RBMS3: variants seen among roughly 807,000 people sequenced by gnomAD.
The protein encoded by RBMS3 is RNA binding motif single stranded interacting protein 3.
A neutral mutation model predicts 66.8 loss-of-function variants in RBMS3; 27 were observed. That is an observed-to-expected ratio of 0.40 (90% CI 0.30 to 0.56). The LOEUF (loss-of-function observed/expected upper bound fraction) is 0.56, where lower values mean the gene tolerates loss of function less well. RBMS3 is among the 20% of genes least tolerant of loss of function. The pLI is 0.40. For missense variants in RBMS3, 513 were observed against 549.5 expected (o/e 0.93, Z 0.66); for synonymous variants, 188 against 183.0 (o/e 1.03, Z -0.22).
At chr3:29,904,187 A>G (rs2060321244) in intron 10 of RBMS3, among the ~76,000 whole-genome samples, 1 of 151,988 alleles carries the variant, frequency 6.6e-6, no homozygotes, top group East Asian at 1.9e-4. Flanking sequence ...CTTTAGTAAA[A>G]TAACTTTAAA....
At chr3:29,662,054 T>C (rs553669777) in intron 4 of RBMS3, among the ~76,000 whole-genome samples, 1 of 152,326 alleles carries the variant, frequency 6.6e-6, no homozygotes, top group Non-Finnish European at 1.5e-5. Flanking sequence ...AGCTGAATGA[T>C]CTATGCACAT....
intron 4 of RBMS3, among the ~76,000 whole-genome samples, chr3:29,681,410 G>A (rs1286498706): frequency 6.6e-6 from 1 of 152,036 alleles, no homozygotes; most frequent in Non-Finnish European, 1.5e-5. Context: ...GTAGGTAAAT[G>A]TGTGCTCTGG....
intron 4 of RBMS3, among the ~76,000 whole-genome samples, chr3:29,673,837 G>A (rs1210078123): frequency 6.6e-6 from 1 of 152,128 alleles, no homozygotes; most frequent in Non-Finnish European, 1.5e-5. Context: ...AAGAGGAGCT[G>A]GTACCATTCG....
intron 1 of RBMS3, among the ~76,000 whole-genome samples, chr3:29,304,229 T>C (rs2033865352): frequency 6.6e-6 from 1 of 152,000 alleles, no homozygotes; most frequent in South Asian, 2.1e-4. Context: ...GTTTCAGTCT[T>C]TTTCTCTAGG....
At chr3:29,793,038 G>A (rs1024498044) in intron 6 of RBMS3, among the ~76,000 whole-genome samples, 2 of 152,070 alleles carry the variant, frequency 1.3e-5, no homozygotes, top group African/African-American at 4.8e-5. Context: ...AGGAGTTCAA[G>A]AGCAGTCTGG....
At chr3:29,983,719 A>T (rs545903621) in intron 12 of RBMS3, among the ~76,000 whole-genome samples, 44 of 150,474 alleles carry the variant, frequency 2.9e-4, no homozygotes, top group Non-Finnish European at 5.2e-4. Context: ...AAATTCTTTT[A>T]AGAACGTTGA....
At chr3:29,364,193 G>A (rs1050036593) in intron 1 of RBMS3, among the ~76,000 whole-genome samples, 3 of 152,094 alleles carry the variant, frequency 2.0e-5, no homozygotes, top group South Asian at 4.2e-4. Flanking sequence ...ATCATTAATC[G>A]AAAACAATTC....
intron 3 of RBMS3, among the ~76,000 whole-genome samples, chr3:29,506,668 C>A (rs2044193133): frequency 6.6e-6 from 1 of 151,876 alleles, no homozygotes; most frequent in Non-Finnish European, 1.5e-5. Flanking sequence ...ATCGGTTCTT[C>A]TTTAAATGTT....
intron 4 of RBMS3, among the ~76,000 whole-genome samples, chr3:29,618,804 C>A (rs1213778805): frequency 2.0e-5 from 3 of 152,128 alleles, no homozygotes; most frequent in African/African-American, 7.2e-5. Context: ...TACCGTGCAG[C>A]CCATAGCAAC....
intron 1 of RBMS3, among the ~76,000 whole-genome samples, chr3:29,372,295 C>T (rs745869145): frequency 2.6e-5 from 4 of 152,004 alleles, no homozygotes; most frequent in Non-Finnish European, 5.9e-5. Flanking sequence ...CGCCACTGCA[C>T]TCCAGCCTGG....
At chr3:29,915,856 T>G (rs969621083) in intron 10 of RBMS3, among the ~76,000 whole-genome samples, 2 of 151,994 alleles carry the variant, frequency 1.3e-5, no homozygotes, top group African/African-American at 2.4e-5. Context: ...TAATTCTGCA[T>G]CTGGAAAAAA....
intron 1 of RBMS3, among the ~76,000 whole-genome samples, chr3:29,314,707 G>A (rs1292595466): frequency 1.3e-5 from 2 of 151,738 alleles, no homozygotes; most frequent in African/African-American, 4.8e-5. Flanking sequence ...GAGCTGGTTT[G>A]TTAAGTGGCC....
intron 3 of RBMS3, among the ~76,000 whole-genome samples, chr3:29,562,056 C>G (rs1317905777): frequency 6.6e-6 from 1 of 151,906 alleles, no homozygotes; most frequent in Non-Finnish European, 1.5e-5. Context: ...AGTTAGTGTT[C>G]TTTTTAAACA....
intron 4 of RBMS3, among the ~76,000 whole-genome samples, chr3:29,622,877 G>A (rs2048915109): frequency 1.3e-5 from 2 of 152,188 alleles, no homozygotes; most frequent in Non-Finnish European, 2.9e-5. Flanking sequence ...CCAGTTTTGG[G>A]AGGCCAAGGC....
At chr3:29,642,406 AG>A (rs201363728) in intron 4 of RBMS3, among the ~76,000 whole-genome samples, 2,406 of 152,240 alleles carry the variant, frequency 0.016, 50 homozygotes, top group African/African-American at 0.056. Flanking sequence ...TTCCTTAAAA[AG>A]GAAACTTTGT....
intron 3 of RBMS3, among the ~76,000 whole-genome samples, chr3:29,491,028 A>G (rs1342995881): frequency 6.6e-6 from 1 of 152,202 alleles, no homozygotes; most frequent in African/African-American, 2.4e-5. Context: ...AAGCATGCTG[A>G]TATCTGTTGT....
rs755520785 is a variant in RBMS3, at chr3:29,482,701, C to CTTTTTTTTTTT, written c.249-5726_249-5716dup. Among the ~76,000 whole-genome samples, 363 of 77,514 alleles carry CTTTTTTTTTTT rather than the reference C, an allele frequency of 4.7e-3. 6 individuals carry two copies. The highest frequency in any genetic ancestry group is 5.7e-3 in the Non-Finnish European group (248 of 43,884). The allele number at this position is 77,514 out of a possible 152,430, so 50.9% of individuals were successfully genotyped here. ...AGTCTACCATTTTCTTTCTTTCTTT[C>CTTTTTTTTTTT]TTTTTTTTTTTTTTTTTTTTTTTTG... On this transcript the variant is annotated intron_variant, in intron 2 of 14. Transcript: ENST00000383767.
intron 1 of RBMS3, among the ~76,000 whole-genome samples, chr3:29,311,791 G>A (rs2034392116): frequency 6.6e-6 from 1 of 151,662 alleles, no homozygotes; most frequent in Admixed American, 6.6e-5. Context: ...GTGACCTAGG[G>A]GTGAAGGAAT....
intron 3 of RBMS3, among the ~76,000 whole-genome samples, chr3:29,552,850 T>C (rs559603998): frequency 9.5e-4 from 145 of 152,250 alleles, no homozygotes; most frequent in Middle Eastern, 3.4e-3. Flanking sequence ...CTCTAGGTAG[T>C]ATCTGGGTAG....
Sources: gnomAD v4.1 joint callset for allele counts (sites outside exome capture counted in the v4.1 genomes callset) on GRCh38, gnomAD v4.1.1 for gene constraint, MANE v1.5 for transcripts, NCBI Gene and HGNC (gene_info 2026-07-23, HGNC 2026-07-21) for gene names.